The following NLGN4X variants were observed in gnomAD, a reference collection of about 807,000 sequenced individuals.
NLGN4X encodes the protein neuroligin-4, X-linked.
A neutral mutation model predicts 40.3 loss-of-function variants in NLGN4X; 3 were observed. The observed-to-expected ratio is 0.07, with a 90% confidence interval of 0.03 to 0.19. The LOEUF (loss-of-function observed/expected upper bound fraction) is 0.19. NLGN4X is among the 10% of genes least tolerant of loss of function. NLGN4X has a pLI of 1.00. For missense variants in NLGN4X, 382 were observed against 708.3 expected, an observed-to-expected ratio of 0.54 and a Z score of 5.23; for synonymous variants, 270 against 306.8, an observed-to-expected ratio of 0.88 and a Z score of 1.25.
At chrX:6,202,405 T>C (rs1311912679) in intron 1 of NLGN4X, among the ~76,000 whole-genome samples, 5 of 106,967 alleles carry the variant, frequency 4.7e-5, no homozygotes, top group African/African-American at 1.7e-4. Context: ...TAGTGTGATC[T>C]GGGCTCACTG....
chrX:6,066,742 G>A (rs1183977369), intron 2 of NLGN4X, among the ~76,000 whole-genome samples: 3 of 110,511 alleles, frequency 2.7e-5, no homozygotes, highest in Non-Finnish European at 3.8e-5. Flanking sequence ...CCAAGATCGC[G>A]TCATTGCACT....
chrX:6,152,882 T>C (rs1481067407), intron 1 of NLGN4X, among the ~76,000 whole-genome samples: 1 of 112,669 alleles, frequency 8.9e-6, no homozygotes, highest in Non-Finnish European at 1.9e-5. Context: ...TTTGAGTTAC[T>C]TTCCCATTGA....
chrX:6,205,114 C>T (rs751494458), intron 1 of NLGN4X, among the ~76,000 whole-genome samples: 1 of 112,128 alleles, frequency 8.9e-6, no homozygotes, highest in Non-Finnish European at 1.9e-5. Flanking sequence ...GTTATTTCTA[C>T]CTCCTCCCAA....
intron 2 of NLGN4X, among the ~76,000 whole-genome samples, chrX:6,064,670 G>C (rs1178046308): frequency 9.0e-6 from 1 of 110,631 alleles, no homozygotes; most frequent in East Asian, 2.9e-4. Flanking sequence ...GGAATGGCCA[G>C]GAAAAAAAGG....
At chrX:6,044,001 C>T (rs182213721) in intron 2 of NLGN4X, among the ~76,000 whole-genome samples, 157 of 111,000 alleles carry the variant, frequency 1.4e-3, no homozygotes, top group Admixed American at 3.8e-3. Context: ...GGCGCAGTGG[C>T]TCATGCCTGT....
intron 1 of NLGN4X, among the ~76,000 whole-genome samples, chrX:6,165,867 T>C (rs770394389): frequency 8.1e-5 from 9 of 111,409 alleles, no homozygotes; most frequent in Non-Finnish European, 1.5e-4. Flanking sequence ...TATACATATA[T>C]ATATATATGG....
intron 2 of NLGN4X, among the ~76,000 whole-genome samples, chrX:6,062,288 A>G (rs146410744): frequency 2.8e-3 from 315 of 111,271 alleles, no homozygotes; most frequent in African/African-American, 9.9e-3. Context: ...CAAATGTATA[A>G]AAAACTCCAA....
intron 2 of NLGN4X, among the ~76,000 whole-genome samples, chrX:6,049,746 T>TC (rs1771291478): frequency 2.6e-5 from 1 of 37,888 alleles, no homozygotes; most frequent in African/African-American, 7.8e-5. Context: ...GGGGGGGCGG[T>TC]CACAAAATAC....
intron 1 of NLGN4X, among the ~76,000 whole-genome samples, chrX:6,206,237 T>G (rs1222240236): frequency 1.8e-5 from 2 of 111,402 alleles, no homozygotes; most frequent in African/African-American, 3.3e-5. Context: ...GTGAGGAGTC[T>G]GCCCTTCAAA....
chrX:6,025,007 CTT>C (rs759987280), intron 3 of NLGN4X, among the ~76,000 whole-genome samples: 6 of 111,776 alleles, frequency 5.4e-5, no homozygotes, highest in Non-Finnish European at 1.1e-4. Flanking sequence ...AGAACCCTCT[CTT>C]AGGGTCTGGA....
At chrX:6,120,018 C>G (rs1322893927) in intron 2 of NLGN4X, among the ~76,000 whole-genome samples, 1 of 111,303 alleles carries the variant, frequency 9.0e-6, no homozygotes, top group Non-Finnish European at 1.9e-5. Context: ...GCTACGTAAT[C>G]ACAGCTACAC....
intron 3 of NLGN4X, among the ~76,000 whole-genome samples, chrX:5,956,947 G>C (rs1457205539): frequency 9.0e-6 from 1 of 111,055 alleles, no homozygotes; most frequent in Non-Finnish European, 1.9e-5. Context: ...AAGAAGTTGG[G>C]AATATTCTGT....
chrX:6,075,819 C>T (rs1283486423), intron 2 of NLGN4X, among the ~76,000 whole-genome samples: 1 of 111,552 alleles, frequency 9.0e-6, no homozygotes, highest in Non-Finnish European at 1.9e-5. Flanking sequence ...ATCCTGATGC[C>T]GTGATTCATG....
chrX:5,999,299 A>G (rs2035913746), intron 3 of NLGN4X, among the ~76,000 whole-genome samples: 1 of 112,308 alleles, frequency 8.9e-6, no homozygotes, highest in Non-Finnish European at 1.9e-5. Context: ...CTGTAGGATT[A>G]ATTTTCAACC....
chrX:6,166,459 TA>T (rs1267653400), intron 1 of NLGN4X, among the ~76,000 whole-genome samples: 1 of 111,624 alleles, frequency 9.0e-6, no homozygotes, highest in East Asian at 2.8e-4. Context: ...TTTTATGCGT[TA>T]TTTACCTTAT....
chrX:5,984,124 T>C (rs1331601252), intron 3 of NLGN4X, among the ~76,000 whole-genome samples: 1 of 110,305 alleles, frequency 9.1e-6, no homozygotes, highest in Non-Finnish European at 1.9e-5. Flanking sequence ...AAATACAAAA[T>C]GCAGACTTTA....
chrX:6,123,425 C>A (rs1259391851), intron 2 of NLGN4X, among the ~76,000 whole-genome samples: 1 of 111,590 alleles, frequency 9.0e-6, no homozygotes, highest in African/African-American at 3.3e-5. Context: ...GAAATCTTGA[C>A]ACAATATATT....
intron 3 of NLGN4X, among the ~76,000 whole-genome samples, chrX:5,985,328 T>C (rs1009468293): frequency 2.4e-4 from 27 of 111,991 alleles, no homozygotes; most frequent in Non-Finnish European, 4.3e-4. Context: ...GGTGCCATCA[T>C]AGGTCACTGC....
intron 3 of NLGN4X, among the ~76,000 whole-genome samples, chrX:6,014,379 C>T (rs750861615): frequency 9.0e-6 from 1 of 111,628 alleles, no homozygotes; most frequent in African/African-American, 3.3e-5. Flanking sequence ...TGGATTCTCT[C>T]TTTGAATGTG....
Sources: allele counts gnomAD v4.1 joint callset (sites outside exome capture counted in the v4.1 genomes callset), GRCh38; gene constraint gnomAD v4.1.1; transcripts MANE v1.5; gene names NCBI Gene and HGNC (gene_info 2026-07-23, HGNC 2026-07-21).